Variants in POU2F2 observed in about 807,000 individuals in gnomAD.
The protein encoded by POU2F2 is POU class 2 homeobox 2, also known as POU domain, class 2, transcription factor 2.
In POU2F2, 14 loss-of-function variants were observed where a neutral mutation model predicts 63.5. The observed-to-expected ratio is 0.22, with a 90% CI of 0.15 to 0.34. The LOEUF is 0.34. Among genes scored for constraint, POU2F2 ranks in the 10% least tolerant of loss-of-function variants. The pLI is 1.00. For missense variants in POU2F2, 607 were observed against 815.2 expected (o/e 0.74, Z 3.11); for synonymous variants, 306 against 348.6 (o/e 0.88, Z 1.36).
chr19:42,153,469 C>T lies in POU2F2; in HGVS notation c.-9+6863G>A, dbSNP rs556804363. On this transcript the variant is annotated intron_variant, in intron 2 of 6. Coordinates refer to the POU2F2 transcript ENST00000524801. The surrounding 1 kb of genome is among the most constrained non-coding windows in gnomAD (Gnocchi z 5.6). ...GCTCTGGGAAGCCTGTGTGTGTTGG[C>T]GTGCGCATGCCCCTGACAGAGTGTG... 2.9e-4 allele frequency among the ~76,000 whole-genome samples: 44 copies of T among 152,258 alleles called. No individual in the cohort carries two copies. The highest frequency in any genetic ancestry group is 5.1e-4 in the Non-Finnish European group (35 of 68,020).
upstream of POU2F2, among the ~76,000 whole-genome samples, chr19:42,196,834 C>T (rs1328694986): frequency 6.6e-6 from 1 of 152,284 alleles, no homozygotes; most frequent in Non-Finnish European, 1.5e-5. Flanking sequence ...CAGATCCCTT[C>T]AGCCTCAAGG....
At chr19:42,158,656 T>TA (rs1421680100) in intron 2 of POU2F2, among the ~76,000 whole-genome samples, 1 of 152,216 alleles carries the variant, frequency 6.6e-6, no homozygotes, top group Non-Finnish European at 1.5e-5. Flanking sequence ...CCAGCCCTGT[T>TA]ACGTGTTACC....
Position 42,156,495 on chromosome 19 carries a change from T to A in POU2F2, c.-9+3837A>T, listed in dbSNP as rs995952957. ...CAGCTGCCAGTTACAGACCACCCTATAGGTCCCACCACACGGCCATAGCCC... is the reference window on the plus strand; with the variant it reads ...CAGCTGCCAGTTACAGACCACCCTAAAGGTCCCACCACACGGCCATAGCCC... On this transcript the variant is annotated intron_variant, in intron 2 of 6. Coordinates refer to the POU2F2 transcript ENST00000524801. This position sits in a 1 kb window ranked among gnomAD's most constrained non-coding sequence, Gnocchi z 4.1. The A allele has an allele frequency of 6.5e-6, 1 of 152,786 alleles. No individual in the cohort carries two copies. Among genetic ancestry groups the A allele is most frequent in the African/African-American group, 2.4e-5 (1 of 41,366 alleles). The allele number at this position is 152,786 out of a possible 1,614,324, so 9.5% of individuals were successfully genotyped here.
At chr19:42,196,827 A>G (rs2035153741), upstream of POU2F2, among the ~76,000 whole-genome samples, 1 of 152,254 alleles carries the variant, frequency 6.6e-6, no homozygotes, top group Non-Finnish European at 1.5e-5. Context: ...GCCAGCGCAG[A>G]TCCCTTCAGC....
At chr19:42,146,236 G>A (rs1015829468) in intron 2 of POU2F2, among the ~76,000 whole-genome samples, 4 of 152,126 alleles carry the variant, frequency 2.6e-5, no homozygotes, top group African/African-American at 7.2e-5. Context: ...AGACACAGAT[G>A]GAACCAGGAT....
chr19:42,125,310 C>T (rs2033092407), intron 1 of POU2F2, among the ~76,000 whole-genome samples: 2 of 142,308 alleles, frequency 1.4e-5, no homozygotes, highest in Admixed American at 7.6e-5. Flanking sequence ...TACAGTGAGC[C>T]GTGATTGTAC....
At chr19:42,166,035 G>C (rs1049183954) in intron 1 of POU2F2, among the ~76,000 whole-genome samples, 14 of 152,244 alleles carry the variant, frequency 9.2e-5, no homozygotes, top group Admixed American at 3.3e-4. Context: ...TGAACAATGA[G>C]AGCTCCCATT....
chr19:42,189,851 T>TA (rs1213554350), intron 1 of POU2F2, among the ~76,000 whole-genome samples: 2 of 152,074 alleles, frequency 1.3e-5, no homozygotes, highest in Non-Finnish European at 2.9e-5. Context: ...GCCCCCTGAG[T>TA]AGCTGGGACC....
chr19:42,138,257 T>A (rs143919239), intron 2 of POU2F2, among the ~76,000 whole-genome samples: 60 of 152,256 alleles, frequency 3.9e-4, no homozygotes, highest in African/African-American at 1.2e-3. Flanking sequence ...ATGTGGGGCA[T>A]GGGAGTCACG....
Position 42,095,754 on chromosome 19 carries a change from C to T in POU2F2, c.871+34G>A, listed in dbSNP as rs778467215. ...CCTCCCGCGGCCAGCGGCCACTGCC[C>T]GCCCCCTACGCGGGAACCCCAGCCT... On this transcript the variant is annotated intron_variant, in intron 9 of 14. Coordinates refer to ENST00000692977, the MANE Select transcript of POU2F2 (RefSeq NM_001394376.1). The surrounding 1 kb of genome is among the most constrained non-coding windows in gnomAD (Gnocchi z 7.1). The T allele has an allele frequency of 7.4e-6, 12 of 1,613,494 alleles. No homozygotes were observed. The highest frequency in any genetic ancestry group is 1.6e-4 in the Middle Eastern group (1 of 6,062).
intron 2 of POU2F2, among the ~76,000 whole-genome samples, chr19:42,151,321 G>A (rs1258093953): frequency 1.3e-5 from 2 of 152,292 alleles, no homozygotes; most frequent in Admixed American, 6.5e-5. Flanking sequence ...AGGCGGGGGT[G>A]GGGGCCGCCT....
At chr19:42,114,115 A>G (rs1478546506) in intron 5 of POU2F2, among the ~76,000 whole-genome samples, 1 of 152,022 alleles carries the variant, frequency 6.6e-6, no homozygotes, top group Non-Finnish European at 1.5e-5. Context: ...GCCCTTGACA[A>G]TCAGGGCCTG....
intron 7 of POU2F2, among the ~76,000 whole-genome samples, chr19:42,097,261 G>A (rs1230313478): frequency 3.4e-5 from 5 of 148,612 alleles, no homozygotes; most frequent in Non-Finnish European, 7.4e-5. Context: ...GCAATGGTGC[G>A]ATCTTGGCTC....
intron 4 of POU2F2, among the ~76,000 whole-genome samples, chr19:42,120,410 G>A (rs536115398): frequency 1.6e-4 from 24 of 151,824 alleles, no homozygotes; most frequent in African/African-American, 5.6e-4. Flanking sequence ...TAGTAGAGTC[G>A]AAGTTTCACC....
At chr19:42,105,467 T>C (rs568305863) in intron 5 of POU2F2, among the ~76,000 whole-genome samples, 2 of 152,258 alleles carry the variant, frequency 1.3e-5, no homozygotes, top group East Asian at 1.9e-4. Context: ...CTATAACCCT[T>C]AGCTTGTTGA....
intron 5 of POU2F2, among the ~76,000 whole-genome samples, chr19:42,114,227 C>T (rs750073683): frequency 6.6e-6 from 1 of 152,046 alleles, no homozygotes; most frequent in African/African-American, 2.4e-5. Context: ...GTCTGCTGCT[C>T]ACAGAGATGG....
chr19:42,193,906 A>G (rs1261423734), intron 1 of POU2F2, among the ~76,000 whole-genome samples: 3 of 152,226 alleles, frequency 2.0e-5, no homozygotes, highest in Non-Finnish European at 2.9e-5. Flanking sequence ...GTATATTCAT[A>G]CAATGGAGTA....
chr19:42,134,168 G>C (rs527757091), upstream of POU2F2, among the ~76,000 whole-genome samples: 1 of 145,394 alleles, frequency 6.9e-6, no homozygotes, highest in South Asian at 2.2e-4. Context: ...TTTGTTTTCA[G>C]TTAGGATTTG....
intron 1 of POU2F2, among the ~76,000 whole-genome samples, chr19:42,165,743 T>C (rs1291499608): frequency 1.3e-5 from 2 of 151,988 alleles, no homozygotes; most frequent in Admixed American, 1.3e-4. Context: ...AACAAGACCG[T>C]GCTTATAGGG....
Sources: allele counts gnomAD v4.1 joint callset (sites outside exome capture counted in the v4.1 genomes callset), GRCh38; gene constraint gnomAD v4.1.1; non-coding constraint Gnocchi (gnomAD v3.1); transcripts MANE v1.5; gene names NCBI Gene and HGNC (gene_info 2026-07-23, HGNC 2026-07-21).